AFG2A: variants seen among roughly 807,000 people sequenced by gnomAD.
The protein encoded by AFG2A is ATPase family gene 2 protein homolog A.
At chr4:123,231,701 T>G in the AFG2A span, among the ~76,000 whole-genome samples, 8 of 151,998 alleles carry the variant, frequency 5.3e-5, no homozygotes, top group Non-Finnish European at 1.0e-4. Flanking sequence ...CTTCATCACT[T>G]CTAGCTTTTT....
the AFG2A span, among the ~76,000 whole-genome samples, chr4:123,091,756 T>G: frequency 1.3e-5 from 2 of 152,084 alleles, no homozygotes; most frequent in Non-Finnish European, 2.9e-5. Flanking sequence ...AATAAAGGAG[T>G]TCAGTAATTT....
At chr4:123,073,216 T>C in the AFG2A span, among the ~76,000 whole-genome samples, 10 of 152,024 alleles carry the variant, frequency 6.6e-5, no homozygotes, top group African/African-American at 2.2e-4. Flanking sequence ...TTCTCCGGCC[T>C]ATCTCCTTTT....
the AFG2A span, among the ~76,000 whole-genome samples, chr4:123,079,710 A>G: frequency 1.9e-3 from 278 of 145,302 alleles, no homozygotes; most frequent in Middle Eastern, 7.1e-3. Context: ...AAAATATTTG[A>G]CACAGTTAAC....
At chr4:123,300,446 C>G in the AFG2A span, among the ~76,000 whole-genome samples, 1 of 152,124 alleles carries the variant, frequency 6.6e-6, no homozygotes, top group African/African-American at 2.4e-5. Flanking sequence ...ATTGCCCTTT[C>G]TTTGCTTCCT....
chr4:123,178,503 A>G, the AFG2A span, among the ~76,000 whole-genome samples: 1 of 152,218 alleles, frequency 6.6e-6, no homozygotes, highest in East Asian at 1.9e-4. Flanking sequence ...TGATGAAAAC[A>G]TGTTATGAAA....
the AFG2A span, among the ~76,000 whole-genome samples, chr4:123,180,910 C>T: frequency 6.6e-6 from 1 of 151,228 alleles, no homozygotes; most frequent in East Asian, 1.9e-4. Context: ...TTAGGCTATG[C>T]AGGCCACATA....
the AFG2A span, among the ~76,000 whole-genome samples, chr4:123,021,745 A>G: frequency 6.6e-6 from 1 of 152,212 alleles, no homozygotes; most frequent in Admixed American, 6.5e-5. Flanking sequence ...AAGTCTCCAT[A>G]TAGTCAGCAG....
the AFG2A span, among the ~76,000 whole-genome samples, chr4:123,077,115 T>A: frequency 6.8e-6 from 1 of 148,032 alleles, no homozygotes; most frequent in South Asian, 2.3e-4. Flanking sequence ...TGGCGCGATC[T>A]CAGCTCACTG....
At chr4:123,052,173 A>G in the AFG2A span, among the ~76,000 whole-genome samples, 1 of 151,786 alleles carries the variant, frequency 6.6e-6, no homozygotes, top group East Asian at 1.9e-4. Flanking sequence ...TGTATTTTCA[A>G]ATAGTTGGGC....
chr4:122,951,908 CAGTTGTT>C, the AFG2A span, among the ~76,000 whole-genome samples: 1 of 152,180 alleles, frequency 6.6e-6, no homozygotes, highest in Non-Finnish European at 1.5e-5. Flanking sequence ...GACTATGTGA[CAGTTGTT>C]ACATAGATGA....
At chr4:123,202,180 A>G in the AFG2A span, among the ~76,000 whole-genome samples, 2 of 152,144 alleles carry the variant, frequency 1.3e-5, no homozygotes, top group Non-Finnish European at 2.9e-5. Flanking sequence ...ATTACATCAG[A>G]ATTCTATATC....
At chr4:123,255,715 CTATTTTTTT>C in the AFG2A span, among the ~76,000 whole-genome samples, 1 of 103,910 alleles carries the variant, frequency 9.6e-6, no homozygotes, top group Admixed American at 1.1e-4. Flanking sequence ...TACTGCTTTT[CTATTTTTTT>C]TTTTTTTTTT....
chr4:123,052,352 C>T, the AFG2A span, among the ~76,000 whole-genome samples: 4 of 152,130 alleles, frequency 2.6e-5, no homozygotes, highest in Non-Finnish European at 5.9e-5. Flanking sequence ...GAATCGATTC[C>T]GTCTGTTTTC....
the AFG2A span, among the ~76,000 whole-genome samples, chr4:123,084,122 C>A: frequency 6.6e-6 from 1 of 151,918 alleles, no homozygotes; most frequent in African/African-American, 2.4e-5. Context: ...TAAAATTATC[C>A]TTTTAATATA....
chr4:122,938,699 T>C, the AFG2A span, among the ~76,000 whole-genome samples: 1 of 152,168 alleles, frequency 6.6e-6, no homozygotes, highest in Admixed American at 6.5e-5. Context: ...CAAGCGATTC[T>C]CCTGCCTCAG....
At chr4:123,273,341 G>A in the AFG2A span, among the ~76,000 whole-genome samples, 1 of 152,038 alleles carries the variant, frequency 6.6e-6, no homozygotes, top group Non-Finnish European at 1.5e-5. Flanking sequence ...TACTGAGTTT[G>A]AGGTGTCTAT....
the AFG2A span, among the ~76,000 whole-genome samples, chr4:123,306,908 G>T: frequency 6.6e-6 from 1 of 152,320 alleles, no homozygotes; most frequent in East Asian, 1.9e-4. Context: ...TCATTTCTAT[G>T]ATGTAGTCTG....
the AFG2A span, among the ~76,000 whole-genome samples, chr4:123,186,198 T>G: frequency 6.6e-6 from 1 of 152,226 alleles, no homozygotes; most frequent in Admixed American, 6.5e-5. Flanking sequence ...TATCTTAGTC[T>G]AGGAATTCTG....
At chr4:123,256,983 A>T in the AFG2A span, 3 of 387,000 alleles carry the variant, frequency 7.8e-6, no homozygotes, top group African/African-American at 6.6e-5. Context: ...TGGGAGATTA[A>T]TATTTTTTTA....
Sources: gnomAD v4.1 joint callset for allele counts (sites outside exome capture counted in the v4.1 genomes callset) on GRCh38, gnomAD v4.1.1 for gene constraint, MANE v1.5 for transcripts, NCBI Gene and HGNC (gene_info 2026-07-23, HGNC 2026-07-21) for gene names.